Variants in GUCY1A2 observed in about 807,000 individuals in gnomAD.
GUCY1A2 encodes the protein guanylate cyclase soluble subunit alpha-2.
In GUCY1A2, 27 loss-of-function variants were observed where a neutral mutation model predicts 63.5. The ratio of observed to expected loss-of-function variants is 0.43; its 90% confidence interval spans 0.31 to 0.59. The LOEUF (loss-of-function observed/expected upper bound fraction) is 0.59. GUCY1A2 is among the 20% of genes least tolerant of loss of function. The pLI is 0.11. For synonymous variants in GUCY1A2, 364 were observed against 343.5 expected (o/e 1.06, Z -0.66); for missense variants, 768 against 913.3 (o/e 0.84, Z 2.05).
intron 4 of GUCY1A2, among the ~76,000 whole-genome samples, chr11:106,813,390 G>C (rs958777075): frequency 2.0e-5 from 3 of 151,642 alleles, no homozygotes; most frequent in African/African-American, 7.3e-5. Context: ...TGGGTTGGGG[G>C]GTACATGTGC....
chr11:106,725,415 G>A (rs1368233878), intron 6 of GUCY1A2, among the ~76,000 whole-genome samples: 1 of 149,322 alleles, frequency 6.7e-6, no homozygotes, highest in Non-Finnish European at 1.5e-5. Flanking sequence ...CTCGTGATCC[G>A]CCCGCCTCGG....
At position 107,017,771 on chromosome 11, in the gene GUCY1A2, G is replaced by A. The variant is rs985045738; in HGVS notation, c.285C>T (p.Ser95=). 4.1e-5 allele frequency: 58 copies of A among 1,423,186 alleles called. No homozygotes were observed. The highest frequency in any genetic ancestry group is 5.1e-5 in the Non-Finnish European group (56 of 1,088,180). 88.2% of individuals were successfully genotyped at this position (1,423,186 alleles called of 1,614,324 possible). A position where few individuals can be genotyped will look rare whatever the true frequency, so the allele number is the denominator to read the frequency against. ...CGCTCACCGAGGGCGCCGTCAGGCGGCTGATGCTCTCGCCCAGCGAGTCCA... is the reference window on the plus strand; with the variant it reads ...CGCTCACCGAGGGCGCCGTCAGGCGACTGATGCTCTCGCCCAGCGAGTCCA... ...VNLDSLGESI[S]RLTAPSPQTI... Residue 95 remains serine, a synonymous_variant, in exon 1 of 8, where the codon AGC becomes AGT. Coordinates refer to ENST00000526355, the MANE Select transcript of GUCY1A2 (RefSeq NM_000855.3).
At chr11:106,936,614 G>A in intron 4 of GUCY1A2, 1 of 1,222,542 alleles carries the variant, frequency 8.2e-7, no homozygotes. Flanking sequence ...TAGAATCAAA[G>A]CTTGGTCAAG....
chr11:106,863,524 C>T (rs2135459009), intron 4 of GUCY1A2, among the ~76,000 whole-genome samples: 2 of 152,244 alleles, frequency 1.3e-5, no homozygotes, highest in South Asian at 4.1e-4. Flanking sequence ...CAGTACCATG[C>T]TGTTTTGGTT....
At chr11:106,909,393 G>GTGTGTGTGTGTGTGTGTGTGTGTGTATA (rs1860261760) in intron 4 of GUCY1A2, among the ~76,000 whole-genome samples, 1 of 147,736 alleles carries the variant, frequency 6.8e-6, no homozygotes, top group African/African-American at 2.5e-5. Flanking sequence ...GTGTGTGTAC[G>GTGTGTGTGTGTGTGTGTGTGTGTGTATA]CTTTTCATTC....
intron 5 of GUCY1A2, among the ~76,000 whole-genome samples, chr11:106,802,360 G>C (rs1200122927): frequency 1.3e-5 from 2 of 152,148 alleles, no homozygotes; most frequent in Non-Finnish European, 2.9e-5. Context: ...ACACAAAAGA[G>C]AGATACTGTG....
intron 4 of GUCY1A2, among the ~76,000 whole-genome samples, chr11:106,924,717 C>T (rs1351201434): frequency 1.3e-5 from 2 of 152,080 alleles, no homozygotes; most frequent in African/African-American, 4.8e-5. Context: ...AACAAATACA[C>T]ATCATCGCCC....
At chr11:107,000,623 T>C (rs1345915389) in intron 1 of GUCY1A2, among the ~76,000 whole-genome samples, 3 of 152,206 alleles carry the variant, frequency 2.0e-5, no homozygotes, top group Non-Finnish European at 4.4e-5. Context: ...CCCTCTCTCC[T>C]GCCCTATGAA....
chr11:106,929,617 A>G (rs979638498), intron 4 of GUCY1A2, among the ~76,000 whole-genome samples: 1 of 152,182 alleles, frequency 6.6e-6, no homozygotes, highest in Non-Finnish European at 1.5e-5. Flanking sequence ...ATTTACCTTT[A>G]AAGTTTGGGT....
intron 5 of GUCY1A2, among the ~76,000 whole-genome samples, chr11:106,784,298 C>T (rs1864518488): frequency 6.6e-6 from 1 of 152,056 alleles, no homozygotes; most frequent in African/African-American, 2.4e-5. Flanking sequence ...GGTTATTCTC[C>T]CAGTATTTAT....
intron 3 of GUCY1A2, among the ~76,000 whole-genome samples, chr11:106,946,088 T>C (rs918543023): frequency 6.6e-6 from 1 of 152,124 alleles, no homozygotes; most frequent in Admixed American, 6.5e-5. Flanking sequence ...AGGACTTGGA[T>C]GGTGAGGAGA....
chr11:106,876,856 A>C (rs1859756604), intron 4 of GUCY1A2, among the ~76,000 whole-genome samples: 1 of 152,078 alleles, frequency 6.6e-6, no homozygotes, highest in Non-Finnish European at 1.5e-5. Context: ...ATGGTCCCCA[A>C]AAGATATCCC....
rs1862535589 is a variant in GUCY1A2, at chr11:106,686,900, G to A, written c.*649C>T. 1 of 196,646 alleles carries A rather than the reference G, an allele frequency of 5.1e-6. No individual in the cohort carries two copies. Among genetic ancestry groups the A allele is most frequent in the Non-Finnish European group, 1.1e-5 (1 of 95,014 alleles). The allele number at this position is 196,646 out of a possible 1,614,324, so 12.2% of individuals were successfully genotyped here. A position where few individuals can be genotyped will look rare whatever the true frequency, so the allele number is the denominator to read the frequency against. On this transcript the variant is annotated 3_prime_UTR_variant, in exon 8 of 8. Transcript: ENST00000526355. Reference sequence around the variant, plus strand: ...CGAAGCACTGATCTCTCTAAATAAGGGAAACTATATTAGATTAATAGGTTA... The same window carrying A: ...CGAAGCACTGATCTCTCTAAATAAGAGAAACTATATTAGATTAATAGGTTA...
chr11:106,967,586 A>G (rs1232280485), intron 3 of GUCY1A2, among the ~76,000 whole-genome samples: 1 of 152,198 alleles, frequency 6.6e-6, no homozygotes, highest in Non-Finnish European at 1.5e-5. Context: ...AGAAAAAAAT[A>G]TGATATTCTA....
At chr11:107,015,175 A>T (rs1427442206) in intron 1 of GUCY1A2, among the ~76,000 whole-genome samples, 1 of 152,220 alleles carries the variant, frequency 6.6e-6, no homozygotes, top group Non-Finnish European at 1.5e-5. Flanking sequence ...TACATGTGTT[A>T]TGTTGAAAAT....
rs576241180 is a variant in GUCY1A2 at position 106,927,657 on chromosome 11, C to T, written c.1206+11803G>A. Among the ~76,000 whole-genome samples, 4 of 151,688 alleles carry T rather than the reference C, an allele frequency of 2.6e-5. No homozygotes were observed. In the East Asian group the frequency reaches 6.0e-4, roughly 23 times the overall value. On this transcript the variant is annotated intron_variant, in intron 4 of 7. Coordinates refer to ENST00000526355, the MANE Select transcript of GUCY1A2 (RefSeq NM_000855.3). ...TCGGCTCACTGCAAGCTCCACCTTC[C>T]GGGTTCACGCCATTCTCCTGCCTCA...
At chr11:106,904,156 T>C (rs1453411200) in intron 4 of GUCY1A2, among the ~76,000 whole-genome samples, 2 of 152,166 alleles carry the variant, frequency 1.3e-5, no homozygotes, top group East Asian at 1.9e-4. Flanking sequence ...TAAAACAATA[T>C]ATAGATGTCT....
At chr11:106,919,329 A>G (rs1269640682) in intron 4 of GUCY1A2, among the ~76,000 whole-genome samples, 3 of 152,158 alleles carry the variant, frequency 2.0e-5, no homozygotes, top group Admixed American at 1.3e-4. Flanking sequence ...ATAGTTAACA[A>G]TACTGTATTG....
intron 1 of GUCY1A2, among the ~76,000 whole-genome samples, chr11:107,005,223 C>CA (rs1861656769): frequency 6.6e-6 from 1 of 152,152 alleles, no homozygotes; most frequent in African/African-American, 2.4e-5. Flanking sequence ...GACAGAGGGG[C>CA]AGACAATAGC....
Sources: gnomAD v4.1 joint callset for allele counts (sites outside exome capture counted in the v4.1 genomes callset) on GRCh38, gnomAD v4.1.1 for gene constraint, MANE v1.5 for transcripts, NCBI Gene and HGNC (gene_info 2026-07-23, HGNC 2026-07-21) for gene names.